Variants in CRYL1 observed in about 807,000 individuals in gnomAD.
CRYL1 encodes the protein lambda-crystallin homolog.
A neutral mutation model predicts 36.6 loss-of-function variants in CRYL1; 29 were observed. That is an observed-to-expected ratio of 0.79 (90% CI 0.59 to 1.08). The LOEUF is 1.08. Ranked by LOEUF, CRYL1 falls within the 50% of genes least tolerant of loss-of-function variation. The pLI is 0.00. For synonymous variants in CRYL1, 152 were observed against 151.5 expected (o/e 1.00, Z -0.02); for missense variants, 411 against 407.9 (o/e 1.01, Z -0.06).
intron 1 of CRYL1, among the ~76,000 whole-genome samples, chr13:20,522,514 T>TA (rs1198504741): frequency 6.6e-6 from 1 of 152,182 alleles, no homozygotes; most frequent in Non-Finnish European, 1.5e-5. Flanking sequence ...GCACATCAGT[T>TA]AAAAAATAAG....
intron 2 of CRYL1, among the ~76,000 whole-genome samples, chr13:20,508,979 T>C (rs2033863923): frequency 6.7e-6 from 1 of 149,116 alleles, no homozygotes; most frequent in Admixed American, 6.7e-5. Context: ...GGTGGGTGGA[T>C]CACCTGAGGT....
At chr13:20,464,345 G>T (rs547237417) in intron 3 of CRYL1, among the ~76,000 whole-genome samples, 1 of 152,190 alleles carries the variant, frequency 6.6e-6, no homozygotes, top group African/African-American at 2.4e-5. Context: ...AGTGAGCCGA[G>T]ATTGTGCCAC....
chr13:20,488,248 G>T (rs367945619), intron 3 of CRYL1, among the ~76,000 whole-genome samples: 1 of 152,206 alleles, frequency 6.6e-6, no homozygotes, highest in African/African-American at 2.4e-5. Context: ...TCCTCTTATA[G>T]CACCTGCAAC....
chr13:20,467,880 G>A (rs1191671859), intron 3 of CRYL1, among the ~76,000 whole-genome samples: 1 of 152,184 alleles, frequency 6.6e-6, no homozygotes, highest in Non-Finnish European at 1.5e-5. Flanking sequence ...CCACGCAGCA[G>A]GAGGTGAGCC....
At chr13:20,488,301 T>G (rs142183575) in intron 3 of CRYL1, among the ~76,000 whole-genome samples, 1 of 152,252 alleles carries the variant, frequency 6.6e-6, no homozygotes, top group East Asian at 1.9e-4. Flanking sequence ...TTAGGAGCCC[T>G]CAGGTCTCTT....
chr13:20,462,301 G>A (rs921367370), intron 3 of CRYL1, among the ~76,000 whole-genome samples: 2 of 151,854 alleles, frequency 1.3e-5, no homozygotes, highest in Admixed American at 1.3e-4. Context: ...ACAGATGGCT[G>A]TTAGGACACC....
chr13:20,427,065 G>A lies in CRYL1; in HGVS notation c.633+5037C>T, dbSNP rs960092785. On this transcript the variant is annotated intron_variant, in intron 5 of 7. Coordinates refer to ENST00000298248, the MANE Select transcript of CRYL1 (RefSeq NM_015974.3). ...CCACATACCCTGCCCTCATGGGAAA[G>A]AATTTACAGGCAACAAACTTAGCTA... 5.1e-6 allele frequency: 5 copies of A among 985,476 alleles called. No homozygotes were observed. The South Asian group carries it at 1.4e-4, about 28-fold the overall frequency. 61.0% of individuals were successfully genotyped at this position (985,476 alleles called of 1,614,324 possible).
intron 3 of CRYL1, among the ~76,000 whole-genome samples, chr13:20,483,942 G>A (rs563064176): frequency 2.5e-4 from 38 of 152,154 alleles, no homozygotes; most frequent in Non-Finnish European, 4.4e-4. Flanking sequence ...TCAGCCTCCC[G>A]GGTAGCTGGG....
intron 3 of CRYL1, among the ~76,000 whole-genome samples, chr13:20,456,479 C>CAA (rs71074301): frequency 9.1e-5 from 9 of 98,770 alleles, no homozygotes; most frequent in South Asian, 3.6e-4. Context: ...CGTCTCAAAA[C>CAA]AAAAAAAAAA....
At chr13:20,448,934 A>G (rs12875299) in intron 3 of CRYL1, among the ~76,000 whole-genome samples, 45,086 of 152,210 alleles carry the variant, frequency 0.3, 7,529 homozygotes, top group Admixed American at 0.39. Context: ...TTGGGAGGCC[A>G]AGGCAGGCAG....
chr13:20,422,343 GA>G (rs1244313847), intron 5 of CRYL1, among the ~76,000 whole-genome samples: 1 of 139,596 alleles, frequency 7.2e-6, no homozygotes, highest in African/African-American at 2.6e-5. Context: ...CTGGGCCACA[GA>G]GTGAAATTCC....
intron 3 of CRYL1, among the ~76,000 whole-genome samples, chr13:20,459,258 A>AAG: frequency 6.7e-6 from 1 of 150,232 alleles, no homozygotes; most frequent in East Asian, 1.9e-4. Context: ...AAAAAAAAAA[A>AAG]TTAATTCAAC....
chr13:20,523,278 A>T (rs1168386410), intron 1 of CRYL1, among the ~76,000 whole-genome samples: 1 of 152,006 alleles, frequency 6.6e-6, no homozygotes, highest in Non-Finnish European at 1.5e-5. Flanking sequence ...GGCCCAAAAG[A>T]GTTTCTCTCA....
At chr13:20,428,688 C>G (rs866910268) in intron 5 of CRYL1, among the ~76,000 whole-genome samples, 1 of 152,214 alleles carries the variant, frequency 6.6e-6, no homozygotes, top group African/African-American at 2.4e-5. Context: ...CCTGCTCTAG[C>G]TCCTACCTCA....
At chr13:20,453,717 G>A (rs1014077992) in intron 3 of CRYL1, among the ~76,000 whole-genome samples, 3 of 152,002 alleles carry the variant, frequency 2.0e-5, no homozygotes, top group African/African-American at 7.2e-5. Flanking sequence ...AATCAAATCT[G>A]GTTTCTTAGG....
rs2034180071 is a variant in CRYL1 at position 20,525,730 on chromosome 13, G to A, written c.41+24C>T. 2 of 1,347,940 alleles carry A rather than the reference G, an allele frequency of 1.5e-6. No individual in the cohort carries two copies. The highest frequency in any genetic ancestry group is 2.9e-5 in the Admixed American group (1 of 33,984). 83.5% of individuals were successfully genotyped at this position (1,347,940 alleles called of 1,614,324 possible). On this transcript the variant is annotated intron_variant, in intron 1 of 7. Transcript: ENST00000298248. This position sits in a 1 kb window ranked among gnomAD's most constrained non-coding sequence, Gnocchi z 4.3. The stretch of plus-strand genomic sequence containing the variant: ...GGCGTCTCCCCGGGCTCCAGGGGCA[G>A]CAGCGCGGCTCGGAGCCCTTTACCT...
rs1486928413 is a variant in CRYL1 at position 20,432,263 on chromosome 13, G to C, written c.472C>G (p.Leu158Val). ...GGGGCCGTCTCCGGGTGGGGGACCA[G>C]CTCAACCAGCGGGATGTAGTATGGC... is the stretch of plus-strand genomic sequence containing the variant. ...NPPYYIPLVE[L>V]VPHPETAPTT... The change falls in exon 5 of 8, where the codon CTG (leucine) becomes GTG (valine). Residue 158 changes from leucine to valine, a missense_variant. Coordinates refer to ENST00000298248, the MANE Select transcript of CRYL1 (RefSeq NM_015974.3). 1 of 1,613,374 alleles carries C rather than the reference G, an allele frequency of 6.2e-7. No homozygotes were observed. Among genetic ancestry groups the C allele is most frequent in the Non-Finnish European group, 8.5e-7 (1 of 1,179,642 alleles).
intron 4 of CRYL1, among the ~76,000 whole-genome samples, chr13:20,437,389 G>C (rs994872649): frequency 6.0e-5 from 9 of 150,818 alleles, no homozygotes; most frequent in Non-Finnish European, 1.2e-4. Flanking sequence ...CTCACTGCAA[G>C]CTCCACCTCC....
At chr13:20,505,634 A>G (rs145403215) in intron 2 of CRYL1, among the ~76,000 whole-genome samples, 1 of 152,148 alleles carries the variant, frequency 6.6e-6, no homozygotes, top group African/African-American at 2.4e-5. Context: ...AGTGAGGGAC[A>G]CTGGGGGTGT....
Sources: allele counts gnomAD v4.1 joint callset (sites outside exome capture counted in the v4.1 genomes callset), GRCh38; gene constraint gnomAD v4.1.1; non-coding constraint Gnocchi (gnomAD v3.1); transcripts MANE v1.5; gene names NCBI Gene and HGNC (gene_info 2026-07-23, HGNC 2026-07-21).